The following VPS13D variants were observed in gnomAD, a reference collection of about 807,000 sequenced individuals.
The protein encoded by VPS13D is vacuolar protein sorting 13 homolog D, also known as intermembrane lipid transfer protein VPS13D.
VPS13D carries 187 observed loss-of-function variants against 461.9 expected under a neutral mutation model. The observed-to-expected ratio is 0.40, with a 90% CI of 0.36 to 0.46. VPS13D has a LOEUF of 0.46. Ranked by LOEUF, VPS13D falls within the 20% of genes least tolerant of loss-of-function variation. The pLI, the probability that VPS13D is intolerant of heterozygous loss-of-function variation, is 0.60. For missense variants in VPS13D, 4,711 were observed against 5,364.9 expected (o/e 0.88, Z 3.81); for synonymous variants, 1,951 against 1,986.3 (o/e 0.98, Z 0.47).
At chr1:12,447,890 A>G (rs1233210165) in intron 65 of VPS13D, among the ~76,000 whole-genome samples, 9 of 152,166 alleles carry the variant, frequency 5.9e-5, no homozygotes, top group Non-Finnish European at 1.0e-4. Context: ...ATTTTAATTG[A>G]CATATTTATG....
intron 57 of VPS13D, among the ~76,000 whole-genome samples, chr1:12,381,966 CTT>C (rs1557745598): frequency 2.2e-4 from 30 of 133,484 alleles, no homozygotes; most frequent in African/African-American, 8.1e-4. Context: ...TTCTTTCTTT[CTT>C]TCTTTCTTTC....
intron 65 of VPS13D, among the ~76,000 whole-genome samples, chr1:12,423,165 T>C (rs1644883802): frequency 1.3e-5 from 2 of 152,200 alleles, no homozygotes; most frequent in Admixed American, 1.3e-4. Flanking sequence ...ATCATCAGAA[T>C]TACCTGGTCA....
At chr1:12,345,639 A>T in intron 43 of VPS13D, 130 bp downstream of exon 43, 1 of 1,265,600 alleles carries the variant, frequency 7.9e-7, no homozygotes, top group South Asian at 1.9e-5. Flanking sequence ...TGACTGGGTC[A>T]GTCATAGGCA....
chr1:12,497,836 G>A (rs1645981128), intron 68 of VPS13D, among the ~76,000 whole-genome samples: 1 of 152,212 alleles, frequency 6.6e-6, no homozygotes, highest in Non-Finnish European at 1.5e-5. Flanking sequence ...GTTCTCAACT[G>A]TGTGCCATAG....
chr1:12,304,990 T>C (rs1642522458), intron 26 of VPS13D, among the ~76,000 whole-genome samples: 1 of 152,218 alleles, frequency 6.6e-6, no homozygotes, highest in Non-Finnish European at 1.5e-5. Flanking sequence ...ATTAGGACTT[T>C]TTTCTTATAG....
chr1:12,508,999 G>T lies in VPS13D; in HGVS notation c.13142G>T (p.Arg4381Leu), dbSNP rs755294786. ...CTTATGTTAAGACTCAGCGAAAACCGAGAGCAGCTGGAGCTGGACTCCTGA... is the reference window on the plus strand; with the variant it reads ...CTTATGTTAAGACTCAGCGAAAACCTAGAGCAGCTGGAGCTGGACTCCTGA... ...QQLMLRLSEN[R>L]EQLELDS Residue 4381 changes from arginine to leucine, a missense_variant, in exon 70 of 70, where the codon CGA becomes CTA. By Grantham distance (102) the Arg-to-Leu change is moderately radical. Around this residue, in one of 3 missense-constraint regions of VPS13D, gnomAD observed 194 missense variants for 220.9 expected, o/e 0.88. Transcript: ENST00000620676. The T allele has an allele frequency of 6.2e-7, 1 of 1,614,152 alleles. No individual in the cohort carries two copies. The highest frequency in any genetic ancestry group is 1.1e-5 in the South Asian group (1 of 91,044).
chr1:12,478,414 GCCA>G (rs1645664750), intron 67 of VPS13D: 1 of 165,894 alleles, frequency 6.0e-6, no homozygotes, highest in African/African-American at 2.4e-5. Context: ...CTGGCCCAAT[GCCA>G]GGCCCAAGCC....
At chr1:12,494,930 A>T (rs1270102979) in intron 67 of VPS13D, among the ~76,000 whole-genome samples, 1 of 152,214 alleles carries the variant, frequency 6.6e-6, no homozygotes, top group Non-Finnish European at 1.5e-5. Flanking sequence ...ACCGTCTGCC[A>T]GCCACCAGGC....
chr1:12,497,420 G>A, intron 67 of VPS13D, 80 bp from the exon 68 acceptor site: 1 of 1,504,252 alleles, frequency 6.6e-7, no homozygotes, highest in East Asian at 2.3e-5. Flanking sequence ...ATTACAGAGT[G>A]CTTTTGTCTT....
At chr1:12,379,808 G>A (rs565772157) in intron 57 of VPS13D, among the ~76,000 whole-genome samples, 4 of 149,164 alleles carry the variant, frequency 2.7e-5, no homozygotes, top group South Asian at 2.1e-4. Context: ...TTGCTCTGTC[G>A]CTCAGGCTGG....
intron 67 of VPS13D, among the ~76,000 whole-genome samples, chr1:12,467,516 A>G (rs1448731517): frequency 6.6e-6 from 1 of 152,208 alleles, no homozygotes; most frequent in East Asian, 1.9e-4. Flanking sequence ...TTCATGCCTT[A>G]TAAGTTAAAA....
At chr1:12,427,525 A>G (rs1010963757) in intron 65 of VPS13D, among the ~76,000 whole-genome samples, 2 of 152,098 alleles carry the variant, frequency 1.3e-5, no homozygotes, top group Non-Finnish European at 1.5e-5. Context: ...GAACATGTAC[A>G]TGTTTTCTTC....
intron 52 of VPS13D, 52 bp from the exon 53 acceptor site, chr1:12,368,416 G>A (rs2101625019): frequency 1.3e-6 from 2 of 1,548,968 alleles, no homozygotes; most frequent in Non-Finnish European, 1.7e-6. Context: ...TAAGTGGATG[G>A]CATCTTGTCT....
intron 24 of VPS13D, among the ~76,000 whole-genome samples, chr1:12,296,689 G>A (rs567003335): frequency 6.6e-6 from 1 of 152,054 alleles, no homozygotes; most frequent in South Asian, 2.1e-4. Flanking sequence ...TATGTTTACA[G>A]TATTGATTCC....
intron 65 of VPS13D, among the ~76,000 whole-genome samples, chr1:12,441,063 C>A (rs1248201989): frequency 6.6e-6 from 1 of 151,832 alleles, no homozygotes; most frequent in Non-Finnish European, 1.5e-5. Context: ...GTAGCTGGGA[C>A]TACAGGTATG....
intron 61 of VPS13D, among the ~76,000 whole-genome samples, chr1:12,400,606 A>T (rs1005120587): frequency 1.3e-5 from 2 of 152,156 alleles, no homozygotes; most frequent in Admixed American, 6.6e-5. Flanking sequence ...AGGAAAGTAT[A>T]GCATCTTCTA....
At chr1:12,287,858 A>T (rs1642017026) in intron 21 of VPS13D, among the ~76,000 whole-genome samples, 1 of 152,182 alleles carries the variant, frequency 6.6e-6, no homozygotes, top group South Asian at 2.1e-4. Context: ...TGTTTTGAAA[A>T]ATTTATCAAA....
intron 67 of VPS13D, among the ~76,000 whole-genome samples, chr1:12,485,940 G>A (rs1275007289): frequency 6.6e-6 from 1 of 152,170 alleles, no homozygotes; most frequent in Non-Finnish European, 1.5e-5. Flanking sequence ...CTGCCAGCTC[G>A]TGTCCTGCCT....
chr1:12,408,099 C>T (rs532462475), intron 63 of VPS13D, among the ~76,000 whole-genome samples: 13 of 152,242 alleles, frequency 8.5e-5, no homozygotes, highest in African/African-American at 2.6e-4. Context: ...GGCCTGCTCA[C>T]GTACTTTATC....
Sources: allele counts gnomAD v4.1 joint callset (sites outside exome capture counted in the v4.1 genomes callset), GRCh38; gene constraint gnomAD v4.1.1; regional missense constraint gnomAD v4.1.1; transcripts MANE v1.5; gene names NCBI Gene and HGNC (gene_info 2026-07-23, HGNC 2026-07-21).